Variants in FKBP5 observed in about 807,000 individuals in gnomAD.
FKBP5 encodes the protein FKBP prolyl isomerase 5.
A neutral mutation model predicts 50.5 loss-of-function variants in FKBP5; 23 were observed. The observed-to-expected ratio is 0.46, with a 90% CI of 0.33 to 0.65. FKBP5 has a LOEUF of 0.65. FKBP5 is among the 30% of genes least tolerant of loss of function. The pLI is 0.02. For synonymous variants in FKBP5, 176 were observed against 190.6 expected (o/e 0.92, Z 0.63); for missense variants, 411 against 553.1 (o/e 0.74, Z 2.58).
intron 5 of FKBP5, 31 bp from the exon 6 acceptor site, chr6:35,597,435 A>G (rs773256365): frequency 6.2e-7 from 1 of 1,602,698 alleles, no homozygotes; most frequent in East Asian, 2.2e-5. Flanking sequence ...GAGTCAACAG[A>G]GCTGCTTCTT....
chr6:35,728,156 G>A (rs985046364), intron 1 of FKBP5, among the ~76,000 whole-genome samples: 7 of 152,236 alleles, frequency 4.6e-5, no homozygotes, highest in Non-Finnish European at 8.8e-5. Context: ...GCGAGCGCGA[G>A]CGAGAACAGC....
chr6:35,698,540 G>A (rs1225606929), intron 2 of FKBP5, among the ~76,000 whole-genome samples: 2 of 152,046 alleles, frequency 1.3e-5, no homozygotes, highest in East Asian at 1.9e-4. Context: ...CCAGCTTCTC[G>A]GGTGGCTGAG....
chr6:35,658,115 G>A (rs1435110305), intron 1 of FKBP5, among the ~76,000 whole-genome samples: 3 of 151,174 alleles, frequency 2.0e-5, no homozygotes, highest in Admixed American at 6.6e-5. Context: ...AGTGGCTCAT[G>A]CCTGTAATCC....
intron 3 of FKBP5, among the ~76,000 whole-genome samples, chr6:35,635,104 G>A (rs1397610296): frequency 6.6e-6 from 1 of 151,876 alleles, no homozygotes; most frequent in African/African-American, 2.4e-5. Context: ...GTGGGCTGAG[G>A]TGGGCGGATC....
intron 2 of FKBP5, among the ~76,000 whole-genome samples, chr6:35,706,440 A>G (rs2151020435): frequency 6.7e-6 from 1 of 149,984 alleles, no homozygotes; most frequent in East Asian, 2.0e-4. Flanking sequence ...AAAAAAAAAA[A>G]AAGAAAAGAA....
At chr6:35,689,136 C>G (rs1461120240), upstream of FKBP5, among the ~76,000 whole-genome samples, 3 of 152,222 alleles carry the variant, frequency 2.0e-5, no homozygotes, top group Non-Finnish European at 4.4e-5. Flanking sequence ...CCACGCCAGC[C>G]CACGTGTCTG....
chr6:35,655,635 C>T (rs957634088), intron 1 of FKBP5, among the ~76,000 whole-genome samples: 2 of 152,118 alleles, frequency 1.3e-5, no homozygotes, highest in Non-Finnish European at 2.9e-5. Flanking sequence ...GAGATGATCA[C>T]GATTTTCAAA....
At chr6:35,682,930 GTA>G (rs138636453) in intron 1 of FKBP5, among the ~76,000 whole-genome samples, 8 of 144,138 alleles carry the variant, frequency 5.6e-5, no homozygotes, top group East Asian at 4.1e-4. Context: ...AGAAAAAAAA[GTA>G]TATATATATA....
At chr6:35,628,104 T>C (rs760729424) in intron 3 of FKBP5, among the ~76,000 whole-genome samples, 13 of 152,074 alleles carry the variant, frequency 8.5e-5, no homozygotes, top group Non-Finnish European at 1.8e-4. Context: ...AGGTTTCTAA[T>C]GCAAGGTTTA....
At chr6:35,612,752 C>T (rs955250458) in intron 5 of FKBP5, among the ~76,000 whole-genome samples, 1 of 152,240 alleles carries the variant, frequency 6.6e-6, no homozygotes, top group East Asian at 1.9e-4. Context: ...ACCATCAGAT[C>T]TCGTGACAAC....
intron 1 of FKBP5, among the ~76,000 whole-genome samples, chr6:35,651,457 T>A (rs1758452520): frequency 1.3e-5 from 2 of 152,178 alleles, no homozygotes; most frequent in African/African-American, 4.8e-5. Flanking sequence ...CAAGGGGTGC[T>A]TGTGCGATGT....
intron 1 of FKBP5, among the ~76,000 whole-genome samples, chr6:35,670,205 GT>G (rs1432226772): frequency 2.0e-5 from 3 of 152,100 alleles, no homozygotes; most frequent in Non-Finnish European, 4.4e-5. Context: ...TATCTTTGCT[GT>G]TTTAGAGTTA....
chr6:35,584,302 A>G (rs1171351891), intron 8 of FKBP5: 4 of 985,354 alleles, frequency 4.1e-6, no homozygotes, highest in Non-Finnish European at 4.8e-6. Flanking sequence ...AATCATTCCC[A>G]CTTAAAAGCT....
chr6:35,694,547 T>A (rs1766052777), intron 2 of FKBP5, among the ~76,000 whole-genome samples: 1 of 152,220 alleles, frequency 6.6e-6, no homozygotes, highest in Non-Finnish European at 1.5e-5. Context: ...AATAGTAATA[T>A]CTTCCTCTGG....
At chr6:35,638,176 T>C (rs1302994678) in intron 2 of FKBP5, among the ~76,000 whole-genome samples, 1 of 152,244 alleles carries the variant, frequency 6.6e-6, no homozygotes, top group Non-Finnish European at 1.5e-5. Flanking sequence ...TGTGTGATGG[T>C]GTAATTTGTT....
chr6:35,717,008 C>T (rs905152496), intron 2 of FKBP5, among the ~76,000 whole-genome samples: 5 of 152,130 alleles, frequency 3.3e-5, no homozygotes, highest in African/African-American at 9.7e-5. Context: ...CTGGTCTCAC[C>T]AAACCTCAGC....
At chr6:35,642,993 A>C in intron 1 of FKBP5, 150 bp from the exon 2 acceptor site, 1 of 585,600 alleles carries the variant, frequency 1.7e-6, no homozygotes, top group South Asian at 2.1e-5. Context: ...ATTTGCTATG[A>C]GCATGTATTG....
chr6:35,666,390 T>A (rs563055781), intron 1 of FKBP5, among the ~76,000 whole-genome samples: 1 of 17,020 alleles, frequency 5.9e-5, no homozygotes. Flanking sequence ...ACTACTATTA[T>A]AGTTAAAAAA....
chr6:35,696,723 T>C (rs1766088524), intron 2 of FKBP5, among the ~76,000 whole-genome samples: 1 of 152,198 alleles, frequency 6.6e-6, no homozygotes. Context: ...CATATGGAAT[T>C]GCATTAGACC....
Sources: gnomAD v4.1 joint callset for allele counts (sites outside exome capture counted in the v4.1 genomes callset) on GRCh38, gnomAD v4.1.1 for gene constraint, MANE v1.5 for transcripts, NCBI Gene and HGNC (gene_info 2026-07-23, HGNC 2026-07-21) for gene names.